Variants in PLEKHA3 observed in about 807,000 individuals in gnomAD.
PLEKHA3 encodes pleckstrin homology domain containing A3, also known as pleckstrin homology domain-containing family A member 3.
A neutral mutation model predicts 39.2 loss-of-function variants in PLEKHA3; 19 were observed. The ratio of observed to expected loss-of-function variants is 0.48; its 90% CI spans 0.34 to 0.71. The LOEUF (loss-of-function observed/expected upper bound fraction) is 0.71. PLEKHA3 is among the 30% of genes least tolerant of loss of function. The pLI is 0.01. For synonymous variants in PLEKHA3, 97 were observed against 118.6 expected, an observed-to-expected ratio of 0.82 and a Z score of 1.18; for missense variants, 253 against 359.5, an observed-to-expected ratio of 0.70 and a Z score of 2.40.
chr2:178,493,716 T>C, intron 3 of PLEKHA3, 137 bp from the exon 4 acceptor site: 1 of 733,312 alleles, frequency 1.4e-6, no homozygotes, highest in Non-Finnish European at 2.2e-6. Flanking sequence ...AGGGCTCTTG[T>C]ATCCTGTTTC....
rs542223761 is a variant in PLEKHA3, at chr2:178,500,939, C to T, written c.660-122C>T. 1.5e-4 allele frequency: 100 copies of T among 675,440 alleles called. 1 individual carries two copies. The highest frequency in any genetic ancestry group is 2.3e-4 in the Non-Finnish European group (87 of 384,480). 41.8% of individuals were successfully genotyped at this position (675,440 alleles called of 1,614,324 possible). ...ACTTCTGAGTAGAATGTTGCTAACA[C>T]GGGACGTTGAGCATAAAAATAATTC... On this transcript the variant is annotated intron_variant, in intron 6 of 7. Coordinates refer to ENST00000234453, the MANE Select transcript of PLEKHA3 (RefSeq NM_019091.4).
chr2:178,496,588 T>C (rs1328475332), intron 5 of PLEKHA3, among the ~76,000 whole-genome samples: 1 of 152,242 alleles, frequency 6.6e-6, no homozygotes, highest in Non-Finnish European at 1.5e-5. Flanking sequence ...GATGGGCTAA[T>C]AGTTTCCTCT....
intron 1 of PLEKHA3, among the ~76,000 whole-genome samples, chr2:178,484,220 A>G (rs1183301134): frequency 1.3e-5 from 2 of 152,200 alleles, no homozygotes; most frequent in African/African-American, 4.8e-5. Context: ...GTTGCTGGGA[A>G]TGCAGTGATG....
rs894865628 is a variant in PLEKHA3, at chr2:178,506,221, G to T, written c.*2334G>T. On this transcript the variant is annotated 3_prime_UTR_variant, in exon 8 of 8. Coordinates refer to ENST00000234453, the MANE Select transcript of PLEKHA3 (RefSeq NM_019091.4). ...TTTTTTGCTTTGTCTAGGTCATGGG[G>T]TTATTGAGAAACATGAAAAGTTATT... The T allele has an allele frequency of 6.6e-6, 1 of 152,082 alleles. No homozygotes were observed. Among genetic ancestry groups the T allele is most frequent in the Non-Finnish European group, 1.5e-5 (1 of 67,994 alleles). 9.4% of individuals were successfully genotyped at this position (152,082 alleles called of 1,614,324 possible).
Position 178,515,699 on chromosome 2 carries a change from T to C in PLEKHA3, c.*11812T>C, listed in dbSNP as rs892612975. ...GCTAGTATTTATCTTTGCTTTCTAA[T>C]TATTTTTTTGTAATTTTTTTGCTTT... On this transcript the variant is annotated 3_prime_UTR_variant, in exon 8 of 8. Coordinates refer to ENST00000234453, the MANE Select transcript of PLEKHA3 (RefSeq NM_019091.4). 1 of 152,164 alleles carries C rather than the reference T, an allele frequency of 6.6e-6. No homozygotes were observed. The highest frequency in any genetic ancestry group is 2.4e-5 in the African/African-American group (1 of 41,464). 9.4% of individuals were successfully genotyped at this position (152,164 alleles called of 1,614,324 possible).
At chr2:178,483,083 C>T (rs575268275) in intron 1 of PLEKHA3, among the ~76,000 whole-genome samples, 1 of 152,098 alleles carries the variant, frequency 6.6e-6, no homozygotes, top group East Asian at 1.9e-4. Context: ...CATGGTGAAA[C>T]CCTGTCCCTA....
In PLEKHA3 at chr2:178,514,075, AT is replaced by A. The variant is rs935272807; in HGVS notation, c.*10191del. 5.2e-4 allele frequency: 79 copies of A among 150,662 alleles called. No homozygotes were observed. Among genetic ancestry groups the A allele is most frequent in the Admixed American group, 1.6e-3 (25 of 15,200 alleles). 9.3% of individuals were successfully genotyped at this position (150,662 alleles called of 1,614,324 possible). A position where few individuals can be genotyped will look rare whatever the true frequency, so the allele number is the denominator to read the frequency against. On this transcript the variant is annotated 3_prime_UTR_variant, in exon 8 of 8. Coordinates refer to ENST00000234453, the MANE Select transcript of PLEKHA3 (RefSeq NM_019091.4). ...GGGGAGGCTTTAGAACACAGCTCTC[AT>A]TTAGCTTATTATTGATTTTTTTTTC... is the stretch of plus-strand genomic sequence containing the variant.
rs1409205204 is a variant in PLEKHA3 at position 178,480,831 on chromosome 2, C to T, written c.-39C>T. The T allele has an allele frequency of 2.3e-6, 3 of 1,315,922 alleles. No individual in the cohort carries two copies. The highest frequency in any genetic ancestry group is 2.0e-6 in the Non-Finnish European group (2 of 1,023,690). The allele number at this position is 1,315,922 out of a possible 1,614,324, so 81.5% of individuals were successfully genotyped here. A position where few individuals can be genotyped will look rare whatever the true frequency, so the allele number is the denominator to read the frequency against. ...GCGCCTACCCCATCACCGCGGCCGG[C>T]GCCGGGCCGGGAGGATGCGCGGTGT... On this transcript the variant is annotated 5_prime_UTR_variant, in exon 1 of 8. Coordinates refer to ENST00000234453, the MANE Select transcript of PLEKHA3 (RefSeq NM_019091.4).
intron 4 of PLEKHA3, 141 bp from the exon 5 acceptor site, chr2:178,495,355 C>A: frequency 1.3e-6 from 1 of 750,092 alleles, no homozygotes. Context: ...GCTTAATTTT[C>A]TAAGGTACTG....
At chr2:178,494,581 T>C (rs559490124) in intron 4 of PLEKHA3, among the ~76,000 whole-genome samples, 2 of 152,312 alleles carry the variant, frequency 1.3e-5, no homozygotes, top group African/African-American at 4.8e-5. Context: ...ATTTCTTCTG[T>C]GGCCTTCTCC....
intron 3 of PLEKHA3, among the ~76,000 whole-genome samples, chr2:178,491,357 A>G (rs1345925760): frequency 6.6e-6 from 1 of 152,236 alleles, no homozygotes; most frequent in African/African-American, 2.4e-5. Context: ...AAGATGTTGA[A>G]AAGGAATTTC....
At chr2:178,503,486 G>A (rs1321038108) in intron 7 of PLEKHA3, among the ~76,000 whole-genome samples, 1 of 151,918 alleles carries the variant, frequency 6.6e-6, no homozygotes, top group African/African-American at 2.4e-5. Context: ...TACCTATTAT[G>A]TGCCAACCAT....
At position 178,505,710 on chromosome 2, in the gene PLEKHA3, T is replaced by C. The variant is rs1284781902; in HGVS notation, c.*1823T>C. 6 of 151,994 alleles carry C rather than the reference T, an allele frequency of 3.9e-5. No homozygotes were observed. The highest frequency in any genetic ancestry group is 1.4e-4 in the African/African-American group (6 of 41,426). The allele number at this position is 151,994 out of a possible 1,614,324, so 9.4% of individuals were successfully genotyped here. ...ACACCGTAACAAGCTTTTGAACTTA[T>C]AGAAAATAATCACATCCATTTTCTA... On this transcript the variant is annotated 3_prime_UTR_variant, in exon 8 of 8. Transcript: ENST00000234453.
At chr2:178,488,846 T>C (rs763552374) in intron 2 of PLEKHA3, 2 of 314,512 alleles carry the variant, frequency 6.4e-6, no homozygotes, top group Non-Finnish European at 1.3e-5. Context: ...TCTGTTCCAT[T>C]AACTCTGTTT....
At chr2:178,503,246 T>C (rs1053434718) in intron 7 of PLEKHA3, among the ~76,000 whole-genome samples, 6 of 151,952 alleles carry the variant, frequency 3.9e-5, no homozygotes, top group African/African-American at 1.4e-4. Flanking sequence ...TCTTTCAGTA[T>C]GAGGTACCTT....
chr2:178,500,336 A>G (rs548093963), intron 6 of PLEKHA3, among the ~76,000 whole-genome samples: 107 of 152,240 alleles, frequency 7.0e-4, no homozygotes, highest in African/African-American at 2.5e-3. Context: ...TCAGGGAATC[A>G]AGAGTCCCAC....
chr2:178,515,242 G>T lies in PLEKHA3; in HGVS notation c.*11355G>T, dbSNP rs531976700. On this transcript the variant is annotated 3_prime_UTR_variant, in exon 8 of 8. Coordinates refer to ENST00000234453, the MANE Select transcript of PLEKHA3 (RefSeq NM_019091.4). ...CTCTAGAGAAAACGAAAGACTCACT[G>T]TGTGAGTTTTCTTGCCCTCTGGTTT... 2.0e-5 allele frequency: 3 copies of T among 151,734 alleles called. No individual in the cohort carries two copies. The highest frequency in any genetic ancestry group is 2.9e-5 in the Non-Finnish European group (2 of 67,962). The allele number at this position is 151,734 out of a possible 1,614,324, so 9.4% of individuals were successfully genotyped here.
Position 178,485,611 on chromosome 2 carries a change from T to C in PLEKHA3, c.41-30T>C, listed in dbSNP as rs146314126. 819 of 1,397,044 alleles carry C rather than the reference T, an allele frequency of 5.9e-4. 3 individuals carry two copies. The African/African-American group carries it at 9.6e-3, about 16-fold the overall frequency. The allele number at this position is 1,397,044 out of a possible 1,614,324, so 86.5% of individuals were successfully genotyped here. A position where few individuals can be genotyped will look rare whatever the true frequency, so the allele number is the denominator to read the frequency against. Reference sequence around the variant, plus strand: ...TGTGGTGAAAGTAATGTGTTTCCAATTGACCTTTTGTTATTTATGGTCTTT... The same window carrying C: ...TGTGGTGAAAGTAATGTGTTTCCAACTGACCTTTTGTTATTTATGGTCTTT... On this transcript the variant is annotated intron_variant, in intron 1 of 7. Coordinates refer to ENST00000234453, the MANE Select transcript of PLEKHA3 (RefSeq NM_019091.4).
At chr2:178,497,406 A>G (rs1050920941) in intron 5 of PLEKHA3, among the ~76,000 whole-genome samples, 2 of 151,854 alleles carry the variant, frequency 1.3e-5, no homozygotes, top group East Asian at 3.9e-4. Context: ...AATTTTTTGT[A>G]TTTTTAGTAG....
Sources: allele counts gnomAD v4.1 joint callset (sites outside exome capture counted in the v4.1 genomes callset), GRCh38; gene constraint gnomAD v4.1.1; transcripts MANE v1.5; gene names NCBI Gene and HGNC (gene_info 2026-07-23, HGNC 2026-07-21).